The following STK32B variants were observed in gnomAD, a reference collection of about 807,000 sequenced individuals.
STK32B encodes the protein serine/threonine kinase 32B, also known as serine/threonine-protein kinase 32B.
STK32B carries 43 observed loss-of-function variants against 52.6 expected under a neutral mutation model. The ratio of observed to expected loss-of-function variants is 0.82; its 90% CI spans 0.64 to 1.05. STK32B has a LOEUF of 1.05. Among genes scored for constraint, STK32B ranks in the 50% least tolerant of loss-of-function variants. STK32B has a pLI of 0.00. For missense variants in STK32B, 621 were observed against 534.6 expected, an observed-to-expected ratio of 1.16 and a Z score of -1.59; for synonymous variants, 238 against 204.3, an observed-to-expected ratio of 1.17 and a Z score of -1.41.
At chr4:5,454,574 G>T (rs1294969579) in intron 7 of STK32B, among the ~76,000 whole-genome samples, 2 of 152,074 alleles carry the variant, frequency 1.3e-5, no homozygotes, top group Non-Finnish European at 2.9e-5. Flanking sequence ...TGAGGTCCTG[G>T]GGGCTAGGAC....
intron 4 of STK32B, among the ~76,000 whole-genome samples, chr4:5,348,562 C>T (rs913777995): frequency 1.3e-5 from 2 of 152,146 alleles, no homozygotes; most frequent in Admixed American, 6.5e-5. Flanking sequence ...AATTCCCACC[C>T]ACTGCTGCAG....
At chr4:5,417,002 T>C (rs1013911202) in intron 6 of STK32B, 68 bp downstream of exon 6, 2 of 1,417,770 alleles carry the variant, frequency 1.4e-6, no homozygotes, top group African/African-American at 1.4e-5. Context: ...ATCCTTCTCT[T>C]GTTTCATCTG....
At chr4:5,478,484 G>T (rs770007137) in intron 11 of STK32B, among the ~76,000 whole-genome samples, 15 of 152,176 alleles carry the variant, frequency 9.9e-5, no homozygotes, top group Non-Finnish European at 2.1e-4. Flanking sequence ...CTGGCCAAAG[G>T]CTGTTATTGA....
intron 6 of STK32B, among the ~76,000 whole-genome samples, chr4:5,443,769 A>G (rs923135652): frequency 1.3e-5 from 2 of 151,924 alleles, no homozygotes; most frequent in African/African-American, 2.4e-5. Flanking sequence ...TGATGTACAG[A>G]TGGGTTTTTG....
chr4:5,218,332 G>T (rs1208343875), intron 3 of STK32B, among the ~76,000 whole-genome samples: 2 of 152,194 alleles, frequency 1.3e-5, no homozygotes, highest in African/African-American at 4.8e-5. Flanking sequence ...AGATATGAAA[G>T]CAAGTAGCCT....
At chr4:5,111,205 G>T (rs1015378383) in intron 1 of STK32B, among the ~76,000 whole-genome samples, 1 of 152,134 alleles carries the variant, frequency 6.6e-6, no homozygotes, top group Admixed American at 6.5e-5. Flanking sequence ...ACAGTATAAA[G>T]ATTTCTCAAA....
intron 3 of STK32B, among the ~76,000 whole-genome samples, chr4:5,330,579 A>G (rs79055289): frequency 0.014 from 2,083 of 152,310 alleles, 32 homozygotes; most frequent in East Asian, 0.075. Flanking sequence ...GAATATCAAA[A>G]TGCTCAAGGT....
intron 3 of STK32B, among the ~76,000 whole-genome samples, chr4:5,260,185 A>G (rs1480941625): frequency 6.6e-6 from 1 of 152,244 alleles, no homozygotes; most frequent in East Asian, 1.9e-4. Context: ...TGAAAAAGGG[A>G]GAAAGCTGCC....
chr4:5,351,994 G>T (rs919005739), intron 4 of STK32B, among the ~76,000 whole-genome samples: 4 of 151,952 alleles, frequency 2.6e-5, no homozygotes, highest in African/African-American at 9.7e-5. Flanking sequence ...GGACCAGATG[G>T]CTTCACTGCC....
chr4:5,106,895 G>A (rs1030350990), intron 1 of STK32B, among the ~76,000 whole-genome samples: 1 of 152,096 alleles, frequency 6.6e-6, no homozygotes, highest in Non-Finnish European at 1.5e-5. Flanking sequence ...TGTAAAGTGT[G>A]GATTCGATTT....
chr4:5,158,626 C>T (rs1015678326), intron 2 of STK32B, among the ~76,000 whole-genome samples: 4 of 152,054 alleles, frequency 2.6e-5, no homozygotes, highest in African/African-American at 7.2e-5. Flanking sequence ...GAGTTGGGGG[C>T]GGAACAACAA....
rs1716202906 is a variant in STK32B at position 5,138,353 on chromosome 4, G to T, written c.53-1552G>T. 2.6e-5 allele frequency among the ~76,000 whole-genome samples: 4 copies of T among 151,868 alleles called. 1 individual carries two copies. Among genetic ancestry groups the T allele is most frequent in the Middle Eastern group, 3.4e-3 (1 of 292 alleles). On this transcript the variant is annotated intron_variant, in intron 1 of 11. Coordinates refer to ENST00000282908, the MANE Select transcript of STK32B (RefSeq NM_018401.3). ...TATTCATTTACTTCCTCACATCCTT[G>T]CTTCCATTATGTGGTGAACTAATCA...
At chr4:5,323,119 G>T (rs1731629774) in intron 3 of STK32B, among the ~76,000 whole-genome samples, 1 of 152,126 alleles carries the variant, frequency 6.6e-6, no homozygotes, top group East Asian at 1.9e-4. Context: ...CTCCCTTCTC[G>T]ATTTTAGGAC....
intron 5 of STK32B, among the ~76,000 whole-genome samples, chr4:5,415,856 A>C (rs953811514): frequency 1.3e-5 from 2 of 152,000 alleles, no homozygotes; most frequent in Non-Finnish European, 2.9e-5. Context: ...GCTTCTCAGC[A>C]TGCCTCAATG....
intron 7 of STK32B, among the ~76,000 whole-genome samples, chr4:5,455,475 G>A (rs1560428667): frequency 6.6e-6 from 1 of 152,202 alleles, no homozygotes; most frequent in African/African-American, 2.4e-5. Flanking sequence ...TGGAGATAAG[G>A]GGAGTTCATT....
chr4:5,339,221 A>G (rs1267029972), intron 4 of STK32B, among the ~76,000 whole-genome samples: 2 of 152,196 alleles, frequency 1.3e-5, no homozygotes, highest in African/African-American at 2.4e-5. Flanking sequence ...TCCAGCTTGC[A>G]GATAGCAGAT....
intron 1 of STK32B, among the ~76,000 whole-genome samples, chr4:5,134,831 T>C (rs1322680155): frequency 6.6e-6 from 1 of 152,252 alleles, no homozygotes; most frequent in Non-Finnish European, 1.5e-5. Flanking sequence ...CATGTGTTTG[T>C]ACAGGATGTG....
intron 1 of STK32B, among the ~76,000 whole-genome samples, chr4:5,121,334 G>A (rs1384623193): frequency 1.3e-5 from 2 of 152,100 alleles, no homozygotes; most frequent in Non-Finnish European, 2.9e-5. Flanking sequence ...GGGCATTTAG[G>A]TTGGTTCCAT....
At chr4:5,086,615 C>T (rs1352871751) in intron 1 of STK32B, among the ~76,000 whole-genome samples, 1 of 152,056 alleles carries the variant, frequency 6.6e-6, no homozygotes. Flanking sequence ...CCAAGAAGCT[C>T]AGTGAATCCC....
Sources: allele counts gnomAD v4.1 joint callset (sites outside exome capture counted in the v4.1 genomes callset), GRCh38; gene constraint gnomAD v4.1.1; transcripts MANE v1.5; gene names NCBI Gene and HGNC (gene_info 2026-07-23, HGNC 2026-07-21).